Variants in CCDC192 observed in about 807,000 individuals in gnomAD.
CCDC192 encodes the protein coiled-coil domain containing 192.
At chr5:127,766,419 T>A (rs1288670228) in intron 3 of CCDC192, among the ~76,000 whole-genome samples, 4 of 152,214 alleles carry the variant, frequency 2.6e-5, no homozygotes, top group African/African-American at 9.6e-5. Flanking sequence ...CCTAAGGAAC[T>A]GGTAAACAAA....
intron 3 of CCDC192, among the ~76,000 whole-genome samples, chr5:127,773,472 G>A (rs560933111): frequency 5.3e-5 from 8 of 152,128 alleles, no homozygotes; most frequent in African/African-American, 1.9e-4. Context: ...TCACTAATCT[G>A]TTTTCTGCCT....
intron 1 of CCDC192, among the ~76,000 whole-genome samples, chr5:127,706,365 A>C (rs923953762): frequency 2.6e-5 from 4 of 152,070 alleles, no homozygotes; most frequent in African/African-American, 2.4e-5. Flanking sequence ...CGTCTCTACC[A>C]AAAATACAAA....
At chr5:127,917,232 T>C (rs1453334999) in intron 6 of CCDC192, among the ~76,000 whole-genome samples, 1 of 152,256 alleles carries the variant, frequency 6.6e-6, no homozygotes, top group African/African-American at 2.4e-5. Flanking sequence ...TGCTCTGATC[T>C]GCCTTTGGCT....
chr5:127,770,082 A>G (rs895355527), intron 3 of CCDC192, among the ~76,000 whole-genome samples: 1 of 152,072 alleles, frequency 6.6e-6, no homozygotes, highest in African/African-American at 2.4e-5. Flanking sequence ...AAATGAACCA[A>G]TTTATTTTTT....
At chr5:127,709,118 A>AGT (rs10694735) in intron 2 of CCDC192, among the ~76,000 whole-genome samples, 1 of 125,882 alleles carries the variant, frequency 7.9e-6, no homozygotes, top group Non-Finnish European at 1.6e-5. Context: ...AGAGAGAGAG[A>AGT]GAGAGGGAGA....
At chr5:127,865,771 C>T (rs1275015243) in intron 5 of CCDC192, among the ~76,000 whole-genome samples, 5 of 151,808 alleles carry the variant, frequency 3.3e-5, no homozygotes, top group African/African-American at 1.2e-4. Flanking sequence ...TTGTAGCTAT[C>T]AGGCAAATGA....
intron 3 of CCDC192, among the ~76,000 whole-genome samples, chr5:127,765,169 G>A (rs1233806654): frequency 6.6e-6 from 1 of 152,064 alleles, no homozygotes; most frequent in Non-Finnish European, 1.5e-5. Context: ...AAATTATTTG[G>A]ATAATAATAC....
chr5:127,818,482 T>A (rs1693221756), intron 5 of CCDC192, among the ~76,000 whole-genome samples: 1 of 152,226 alleles, frequency 6.6e-6, no homozygotes, highest in African/African-American at 2.4e-5. Context: ...CTCAAGTCAT[T>A]CTAATGTGCA....
Position 127,711,941 on chromosome 5 carries a change from T to C in CCDC192, c.114+4181T>C, listed in dbSNP as rs79425578. Among the ~76,000 whole-genome samples the C allele has an allele frequency of 7.0e-3, 1,060 of 152,174 alleles. 22 individuals are homozygous for C. The highest frequency in any genetic ancestry group is 0.024 in the African/African-American group (989 of 41,520). ...ATTTAAAGTATACAAGTTGATGAGTTTTGATACCATGTGAAGCTACCACCA... is the reference window on the plus strand; with the variant it reads ...ATTTAAAGTATACAAGTTGATGAGTCTTGATACCATGTGAAGCTACCACCA... On this transcript the variant is annotated intron_variant, in intron 2 of 6. Transcript: ENST00000514853.
intron 5 of CCDC192, among the ~76,000 whole-genome samples, chr5:127,856,284 T>A (rs1191796824): frequency 6.6e-6 from 1 of 152,240 alleles, no homozygotes; most frequent in African/African-American, 2.4e-5. Flanking sequence ...TGTATTAATC[T>A]TTACTAGCTT....
intron 3 of CCDC192, among the ~76,000 whole-genome samples, chr5:127,760,694 T>A (rs1754866152): frequency 1.6e-5 from 2 of 126,114 alleles, no homozygotes; most frequent in Non-Finnish European, 3.2e-5. Context: ...AGAGCGAGAT[T>A]CTGTCTCAAA....
intron 5 of CCDC192, among the ~76,000 whole-genome samples, chr5:127,819,446 T>C (rs1749185728): frequency 6.6e-6 from 1 of 151,982 alleles, no homozygotes; most frequent in Non-Finnish European, 1.5e-5. Context: ...ACAGGAATAT[T>C]TGAGATTGTA....
chr5:127,876,713 G>C (rs1413074302), intron 6 of CCDC192, among the ~76,000 whole-genome samples: 1 of 152,164 alleles, frequency 6.6e-6, no homozygotes, highest in Non-Finnish European at 1.5e-5. Context: ...TGGAAAAAGA[G>C]GAGCAATGCA....
chr5:127,709,080 G>A (rs1222741368), intron 2 of CCDC192, among the ~76,000 whole-genome samples: 1 of 149,050 alleles, frequency 6.7e-6, no homozygotes, highest in Non-Finnish European at 1.5e-5. Context: ...GGGGTGGCGA[G>A]GCATGTCACA....
intron 5 of CCDC192, among the ~76,000 whole-genome samples, chr5:127,830,698 C>T (rs546392080): frequency 4.0e-5 from 6 of 151,522 alleles, no homozygotes; most frequent in Non-Finnish European, 4.4e-5. Flanking sequence ...CACAATTTGG[C>T]CCACAACATT....
At chr5:127,864,973 C>T (rs1428904267) in intron 5 of CCDC192, among the ~76,000 whole-genome samples, 3 of 152,034 alleles carry the variant, frequency 2.0e-5, no homozygotes, top group Non-Finnish European at 4.4e-5. Flanking sequence ...TGGTGAAACC[C>T]CGTCTCTATT....
At chr5:127,822,864 C>T (rs1327376443) in intron 5 of CCDC192, among the ~76,000 whole-genome samples, 1 of 152,220 alleles carries the variant, frequency 6.6e-6, no homozygotes, top group African/African-American at 2.4e-5. Context: ...CCTCAGGCCC[C>T]TGAGGCCCAG....
At chr5:127,812,643 C>T (rs1758142350) in intron 5 of CCDC192, among the ~76,000 whole-genome samples, 1 of 152,180 alleles carries the variant, frequency 6.6e-6, no homozygotes, top group Non-Finnish European at 1.5e-5. Flanking sequence ...CAAGATATTA[C>T]TCACTCATTC....
intron 2 of CCDC192, 78 bp downstream of exon 2, chr5:127,707,838 T>A: frequency 2.5e-6 from 1 of 393,684 alleles, no homozygotes; most frequent in Non-Finnish European, 4.5e-6. Context: ...TTAATTAATA[T>A]TAAGGTTTTC....
Sources: gnomAD v4.1 joint callset for allele counts (sites outside exome capture counted in the v4.1 genomes callset) on GRCh38, gnomAD v4.1.1 for gene constraint, MANE v1.5 for transcripts, NCBI Gene and HGNC (gene_info 2026-07-23, HGNC 2026-07-21) for gene names.